The following MTMR3 variants were observed in gnomAD, a reference collection of about 807,000 sequenced individuals.
MTMR3 encodes the protein myotubularin related protein 3.
In MTMR3, 32 loss-of-function variants were observed where a neutral mutation model predicts 132.4. The observed-to-expected ratio is 0.24, with a 90% CI of 0.18 to 0.32. The LOEUF is 0.32. MTMR3 is among the 10% of genes least tolerant of loss of function. The pLI is 1.00. For synonymous variants in MTMR3, 556 were observed against 550.3 expected (o/e 1.01, Z -0.14); for missense variants, 1,216 against 1,489.6 (o/e 0.82, Z 3.02).
intron 1 of MTMR3, among the ~76,000 whole-genome samples, chr22:29,923,501 G>A (rs564273048): frequency 1.3e-5 from 2 of 152,206 alleles, no homozygotes; most frequent in South Asian, 4.2e-4. Flanking sequence ...ATTGCACTTG[G>A]CCAACTAGGG....
At position 30,026,233 on chromosome 22, in the gene MTMR3, T is replaced by C. The variant is rs1179095253; in HGVS notation, c.*432T>C. 1 of 172,282 alleles carries C rather than the reference T, an allele frequency of 5.8e-6. No homozygotes were observed. Among genetic ancestry groups the C allele is most frequent in the African/African-American group, 2.4e-5 (1 of 41,952 alleles). The allele number at this position is 172,282 out of a possible 1,614,324, so 10.7% of individuals were successfully genotyped here. ...AAAGCCAGTGCTAACATGCAACCATTCCTCACGCCACCGCCACATCAGAGC... is the reference window on the plus strand; with the variant it reads ...AAAGCCAGTGCTAACATGCAACCATCCCTCACGCCACCGCCACATCAGAGC... On this transcript the variant is annotated 3_prime_UTR_variant, in exon 20 of 20. Coordinates refer to ENST00000401950, the MANE Select transcript of MTMR3 (RefSeq NM_021090.4).
Position 29,998,869 on chromosome 22 carries a change from G to T in MTMR3, c.557+12G>T, listed in dbSNP as rs1363695039. ...AATGAGAAGTACAAGTGAGTTATAT[G>T]GGTCCCTGTGGACTGTTTCACAGCC... On this transcript the variant is annotated intron_variant, in intron 8 of 19. Coordinates refer to ENST00000401950, the MANE Select transcript of MTMR3 (RefSeq NM_021090.4). The T allele has an allele frequency of 1.3e-6, 2 of 1,588,672 alleles. No individual in the cohort carries two copies. The highest frequency in any genetic ancestry group is 1.7e-6 in the Non-Finnish European group (2 of 1,162,076).
intron 7 of MTMR3, chr22:29,998,385 G>C (rs1427568525): frequency 6.5e-6 from 1 of 153,720 alleles, no homozygotes; most frequent in African/African-American, 2.4e-5. Flanking sequence ...GCTCACGCCT[G>C]TAATCCCAGC....
chr22:29,997,028 C>T (rs181066054), intron 7 of MTMR3: 8 of 152,300 alleles, frequency 5.3e-5, no homozygotes, highest in African/African-American at 1.2e-4. Context: ...TGAGGCACCG[C>T]GTCTGGCCTA....
intron 1 of MTMR3, among the ~76,000 whole-genome samples, chr22:29,942,304 A>T (rs1047692634): frequency 1.3e-5 from 2 of 152,194 alleles, no homozygotes; most frequent in African/African-American, 4.8e-5. Flanking sequence ...GAGTGTACGA[A>T]TAGGGTGTGG....
chr22:29,921,333 G>A (rs1483371762), intron 1 of MTMR3, among the ~76,000 whole-genome samples: 3 of 152,098 alleles, frequency 2.0e-5, no homozygotes, highest in African/African-American at 4.8e-5. Flanking sequence ...GCTTATTACC[G>A]AGGGGAGGGC....
chr22:29,995,314 G>T (rs2067040279), intron 7 of MTMR3: 1 of 152,226 alleles, frequency 6.6e-6, no homozygotes, highest in South Asian at 2.1e-4. Flanking sequence ...CTGCTAAGAG[G>T]TAGTTCTTAC....
At chr22:29,942,239 G>A (rs1306146210) in intron 1 of MTMR3, among the ~76,000 whole-genome samples, 1 of 152,124 alleles carries the variant, frequency 6.6e-6, no homozygotes, top group Non-Finnish European at 1.5e-5. Context: ...CTTCCGTGAT[G>A]ACCCCTAAGC....
chr22:29,896,019 T>G (rs1376604503), intron 1 of MTMR3, among the ~76,000 whole-genome samples: 1 of 152,208 alleles, frequency 6.6e-6, no homozygotes, highest in Non-Finnish European at 1.5e-5. Flanking sequence ...TCAAGCTTTT[T>G]CACCTTTTGG....
In MTMR3 at chr22:30,020,616, C is replaced by T; in HGVS notation, c.2957C>T (p.Ser986Leu). 1.2e-6 allele frequency: 2 copies of T among 1,614,202 alleles called. No homozygotes were observed. Among genetic ancestry groups the T allele is most frequent in the Non-Finnish European group, 1.7e-6 (2 of 1,180,048 alleles). Residue 986 changes from serine to leucine, a missense_variant, in exon 17 of 20, where the codon TCA (serine) becomes TTA (leucine). Transcript: ENST00000401950. ...AMSCSSAHLH[S>L]RNLHHKWLHS... ...AGCTGCAGCTCTGCCCACTTACACT[C>T]AAGGAACTTGCACCACAAGTGGCTG... is the stretch of plus-strand genomic sequence containing the variant.
rs2067291136 is a variant in MTMR3 at position 30,007,264 on chromosome 22, T to C, written c.822T>C (p.Thr274=). Residue 274 remains threonine (T), a synonymous_variant, in exon 10 of 20, where the codon ACT becomes ACC. Coordinates refer to ENST00000401950, the MANE Select transcript of MTMR3 (RefSeq NM_021090.4). ...GATCGAGTGGCAGCAAGCTGTCAAC[T>C]AGGAACACTTCTCGAGACTTTCCCA... ...DSRSSGSKLS[T]RNTSRDFPNG... 1 of 1,614,088 alleles carries C rather than the reference T, an allele frequency of 6.2e-7. No individual in the cohort carries two copies. Among genetic ancestry groups the C allele is most frequent in the Non-Finnish European group, 8.5e-7 (1 of 1,180,034 alleles).
chr22:30,020,814 T>C lies in MTMR3; in HGVS notation c.3155T>C (p.Leu1052Pro). 6.2e-7 allele frequency: 1 copy of C among 1,612,410 alleles called. No homozygotes were observed. Residue 1052 changes from leucine to proline, a missense_variant, in exon 17 of 20, where the codon CTG becomes CCG. Leu to Pro is a moderately conservative substitution (Grantham distance 98, BLOSUM62 -3). This residue lies in a region of MTMR3 where 852 missense variants were observed against 852.0 expected (regional missense o/e 1.00). Transcript: ENST00000401950. ...VETLKKQVQE[L>P]KSRLESQYLT... is the part of the protein sequence containing the mutation. Reference sequence around the variant, plus strand: ...ACTTTGAAGAAACAAGTCCAGGAGCTGAAGAGTCGCCTGGAGAGCCAGTAC... The same window carrying C: ...ACTTTGAAGAAACAAGTCCAGGAGCCGAAGAGTCGCCTGGAGAGCCAGTAC...
At chr22:29,911,492 A>G (rs973173646) in intron 1 of MTMR3, among the ~76,000 whole-genome samples, 2 of 152,064 alleles carry the variant, frequency 1.3e-5, no homozygotes, top group African/African-American at 4.8e-5. Flanking sequence ...GCAGTGAGCC[A>G]TGATCACGAT....
At chr22:29,933,142 G>A (rs1187374117) in intron 1 of MTMR3, among the ~76,000 whole-genome samples, 5 of 151,888 alleles carry the variant, frequency 3.3e-5, no homozygotes, top group South Asian at 2.1e-4. Context: ...CTAATTTTTT[G>A]TATTTTTAGT....
chr22:29,929,419 A>T (rs1372490057), intron 1 of MTMR3, among the ~76,000 whole-genome samples: 1 of 152,154 alleles, frequency 6.6e-6, no homozygotes, highest in Admixed American at 6.5e-5. Context: ...CTGATTATTT[A>T]TGAAGTCGAC....
chr22:29,959,187 C>G (rs2066258581), intron 2 of MTMR3, among the ~76,000 whole-genome samples: 1 of 152,068 alleles, frequency 6.6e-6, no homozygotes, highest in Non-Finnish European at 1.5e-5. Flanking sequence ...GAAGTCATAT[C>G]ATGGGGTGGT....
chr22:29,981,444 CTG>C (rs1337485894), intron 5 of MTMR3: 1 of 152,198 alleles, frequency 6.6e-6, no homozygotes, highest in African/African-American at 2.4e-5. Context: ...AAACTTGCCA[CTG>C]TTCTTTCTTT....
chr22:30,009,105 G>T lies in MTMR3; in HGVS notation c.1097G>T (p.Cys366Phe), dbSNP rs759620501. 23 of 1,611,448 alleles carry T rather than the reference G, an allele frequency of 1.4e-5. No individual in the cohort carries two copies. Among genetic ancestry groups the T allele is most frequent in the Non-Finnish European group, 8.5e-7 (1 of 1,177,752 alleles). ...AGTTTTCAGTCTCTGCGGTTGCTGT[G>T]CACTCAGATGCCAGATCCGGGAAAG... ...RRSFQSLRLL[C>F]TQMPDPGNWL... Residue 366 changes from cysteine to phenylalanine, a missense_variant, in exon 12 of 20, where the codon TGC becomes TTC. Physicochemically the swap from Cys to Phe is radical, Grantham distance 205. Coordinates refer to ENST00000401950, the MANE Select transcript of MTMR3 (RefSeq NM_021090.4).
intron 5 of MTMR3, chr22:29,985,652 C>T (rs1369997797): frequency 6.6e-6 from 1 of 152,162 alleles, no homozygotes; most frequent in East Asian, 1.9e-4. Flanking sequence ...ATTAAGCTTT[C>T]CTGCATGTGA....
Sources: gnomAD v4.1 joint callset for allele counts (sites outside exome capture counted in the v4.1 genomes callset) on GRCh38, gnomAD v4.1.1 for gene constraint, gnomAD v4.1.1 regional missense constraint, MANE v1.5 for transcripts, NCBI Gene and HGNC (gene_info 2026-07-23, HGNC 2026-07-21) for gene names.